Variants in CHDH observed in about 807,000 individuals in gnomAD.
CHDH encodes choline dehydrogenase, mitochondrial.
CHDH carries 43 observed loss-of-function variants against 56.9 expected under a neutral mutation model. That is an observed-to-expected ratio of 0.76 (90% CI 0.59 to 0.97). The LOEUF (loss-of-function observed/expected upper bound fraction) is 0.97, where lower values mean the gene tolerates loss of function less well. Among genes scored for constraint, CHDH ranks in the 50% least tolerant of loss-of-function variants. CHDH has a pLI of 0.00. For missense variants in CHDH, 816 were observed against 821.1 expected, an observed-to-expected ratio of 0.99 and a Z score of 0.08; for synonymous variants, 364 against 348.5, an observed-to-expected ratio of 1.04 and a Z score of -0.50.
In CHDH at chr3:53,823,610, G is replaced by A. The variant is rs1045735886; in HGVS notation, c.399C>T (p.Ser133=). 2 of 1,544,002 alleles carry A rather than the reference G, an allele frequency of 1.3e-6. No individual in the cohort carries two copies. Among genetic ancestry groups the A allele is most frequent in the Admixed American group, 3.9e-5 (2 of 50,974 alleles). ...PRGRVWGGSS[S]LNAMVYVRGH... ...CACGGACGTAGACCATGGCATTGAG[G>A]GATGAGGAGCCACCCCAGACGCGGC... The change falls in exon 3 of 9, where the codon TCC becomes TCT. Residue 133 remains serine (S), a synonymous_variant. Transcript: ENST00000315251.
At chr3:53,818,238 G>C (rs756549237) in intron 8 of CHDH, 43 bp from the exon 9 acceptor site, 4 of 1,514,578 alleles carry the variant, frequency 2.6e-6, no homozygotes, top group African/African-American at 2.8e-5. Flanking sequence ...CCTTTTGCCC[G>C]TGCTGGCCTC....
Position 53,834,410 on chromosome 3 carries a change from C to T in CHDH, c.-60+6519G>A, listed in dbSNP as rs140194537. On this transcript the variant is annotated intron_variant, in intron 2 of 8. Coordinates refer to ENST00000315251, the MANE Select transcript of CHDH (RefSeq NM_018397.5). ...GCAGTGAGCCCAGATTGCACCACTG[C>T]ACTCCAGCCTGCAGGGACACAGTGA... Among the ~76,000 whole-genome samples, 968 of 152,276 alleles carry T rather than the reference C, an allele frequency of 6.4e-3. 7 individuals carry two copies. The highest frequency in any genetic ancestry group is 0.022 in the African/African-American group (898 of 41,552).
chr3:53,843,941 T>G lies in CHDH; in HGVS notation c.-131+2142A>C, dbSNP rs546098741. On this transcript the variant is annotated intron_variant, in intron 1 of 8. Coordinates refer to ENST00000315251, the MANE Select transcript of CHDH (RefSeq NM_018397.5). The stretch of plus-strand genomic sequence containing the variant: ...AGGCAGCCAAATAAATTGTGTGCCT[T>G]CCGGCAGGCCACCTGGGACCTCTCA... 4.6e-5 allele frequency among the ~76,000 whole-genome samples: 7 copies of G among 152,330 alleles called. No homozygotes were observed. In the South Asian group the frequency reaches 1.2e-3, roughly 27 times the overall value.
At chr3:53,818,690 G>C (rs971499242) in intron 8 of CHDH, among the ~76,000 whole-genome samples, 3 of 152,198 alleles carry the variant, frequency 2.0e-5, no homozygotes, top group Admixed American at 6.5e-5. Context: ...GCACATCATG[G>C]CAGATTGTTC....
rs1390828774 is a variant in CHDH, at chr3:53,824,130, G to A, written c.-59-63C>T. The A allele has an allele frequency of 8.1e-6, 8 of 988,190 alleles. No homozygotes were observed. In the South Asian group the frequency reaches 9.7e-5, roughly 12 times the overall value. 61.2% of individuals were successfully genotyped at this position (988,190 alleles called of 1,614,324 possible). On this transcript the variant is annotated intron_variant, in intron 2 of 8. Coordinates refer to ENST00000315251, the MANE Select transcript of CHDH (RefSeq NM_018397.5). Reference sequence around the variant, plus strand: ...GCATATCCAGGGTATGCTCACCAACGGCCTGCCGGGACAGGGTGCAGCAGG... The same window carrying A: ...GCATATCCAGGGTATGCTCACCAACAGCCTGCCGGGACAGGGTGCAGCAGG...
chr3:53,813,470 C>T lies in CHDH; in HGVS notation c.*4307G>A, dbSNP rs546594501. ...GTGCCAATGGTAACCTAATACCAGC[C>T]GCAGGGAGCGCCATTTCTCCTAAAG... is the stretch of plus-strand genomic sequence containing the variant. On this transcript the variant is annotated 3_prime_UTR_variant, in exon 9 of 9. Transcript: ENST00000315251. The T allele has an allele frequency of 1.5e-4, 23 of 152,284 alleles. No individual in the cohort carries two copies. Among genetic ancestry groups the T allele is most frequent in the Admixed American group, 2.0e-4 (3 of 15,300 alleles). 9.4% of individuals were successfully genotyped at this position (152,284 alleles called of 1,614,324 possible). A position where few individuals can be genotyped will look rare whatever the true frequency, so the allele number is the denominator to read the frequency against.
At chr3:53,829,739 G>A (rs1436307925) in intron 2 of CHDH, among the ~76,000 whole-genome samples, 1 of 152,144 alleles carries the variant, frequency 6.6e-6, no homozygotes, top group Non-Finnish European at 1.5e-5. Context: ...TCCAATTCAC[G>A]TGTGGGATTC....
At chr3:53,826,282 C>A (rs555169564) in intron 2 of CHDH, among the ~76,000 whole-genome samples, 1 of 150,970 alleles carries the variant, frequency 6.6e-6, no homozygotes, top group Non-Finnish European at 1.5e-5. Context: ...GCTAACATCA[C>A]CCTAATAACA....
rs1278640148 is a variant in CHDH at position 53,819,584 on chromosome 3, G to A, written c.1211C>T (p.Pro404Leu). 1 of 1,613,168 alleles carries A rather than the reference G, an allele frequency of 6.2e-7. No individual in the cohort carries two copies. The highest frequency in any genetic ancestry group is 1.3e-5 in the African/African-American group (1 of 74,956). Reference sequence around the variant, plus strand: ...CCGCCCGTGGTCAATCACTTGGGATGGCAGGAAATGGAACTGGATGTCCGG... The same window carrying A: ...CCGCCCGTGGTCAATCACTTGGGATAGCAGGAAATGGAACTGGATGTCCGG... ...PHPDIQFHFL[P>L]SQVIDHGRVP... The change falls in exon 7 of 9, where the codon CCA (proline) becomes CTA (leucine). Residue 404 changes from proline (P) to leucine (L), a missense_variant. Physicochemically the swap from Pro to Leu is moderately conservative, Grantham distance 98. Transcript: ENST00000315251. This position sits in a 1 kb window ranked among gnomAD's most constrained non-coding sequence, Gnocchi z 5.4.
In CHDH at chr3:53,816,053, A is replaced by G. The variant is rs1214441926; in HGVS notation, c.*1724T>C. 6.6e-6 allele frequency: 1 copy of G among 152,146 alleles called. No homozygotes were observed. Among genetic ancestry groups the G allele is most frequent in the African/African-American group, 2.4e-5 (1 of 41,428 alleles). 9.4% of individuals were successfully genotyped at this position (152,146 alleles called of 1,614,324 possible). ...TAAACAAGAGCTGCTTAAGATTTTT[A>G]AAAGGAGAGGTGTGATGGGTTTCTT... On this transcript the variant is annotated 3_prime_UTR_variant, in exon 9 of 9. Coordinates refer to ENST00000315251, the MANE Select transcript of CHDH (RefSeq NM_018397.5).
Position 53,820,459 on chromosome 3 carries a change from G to A in CHDH, c.1120+15C>T. The A allele has an allele frequency of 6.2e-7, 1 of 1,603,574 alleles. No homozygotes were observed. The highest frequency in any genetic ancestry group is 8.5e-7 in the Non-Finnish European group (1 of 1,174,838). ...ATAGGCAGTCTCCTCCCAGGTTACTGGTAAGCGTGCTCACCTGTGAATTTC... is the reference window on the plus strand; with the variant it reads ...ATAGGCAGTCTCCTCCCAGGTTACTAGTAAGCGTGCTCACCTGTGAATTTC... On this transcript the variant is annotated intron_variant, in intron 6 of 8. Transcript: ENST00000315251.
At position 53,816,131 on chromosome 3, in the gene CHDH, A is replaced by ACCCCCCCCCCCCCCCCCCCC. The variant is rs202031062; in HGVS notation, c.*1645_*1646insGGGGGGGGGGGGGGGGGGGG. ...CAGAAAACTAACTTGTGGCTGTCGG[A>ACCCCCCCCCCCCCCCCCCCC]CGCCCCCCCCCCCCGCCCCAGTCTG... On this transcript the variant is annotated 3_prime_UTR_variant, in exon 9 of 9. Coordinates refer to ENST00000315251, the MANE Select transcript of CHDH (RefSeq NM_018397.5). 2 of 86,966 alleles carry ACCCCCCCCCCCCCCCCCCCC rather than the reference A, an allele frequency of 2.3e-5. No homozygotes were observed. The highest frequency in any genetic ancestry group is 7.0e-5 in the African/African-American group (1 of 14,280). The allele number at this position is 86,966 out of a possible 1,614,324, so 5.4% of individuals were successfully genotyped here. A position where few individuals can be genotyped will look rare whatever the true frequency, so the allele number is the denominator to read the frequency against.
intron 2 of CHDH, among the ~76,000 whole-genome samples, chr3:53,838,339 G>T (rs1385504526): frequency 6.6e-6 from 1 of 152,180 alleles, no homozygotes; most frequent in Non-Finnish European, 1.5e-5. Context: ...TGATAGACTA[G>T]GGGATGGGGG....
At position 53,817,771 on chromosome 3, in the gene CHDH, A is replaced by G; in HGVS notation, c.*6T>C. On this transcript the variant is annotated 3_prime_UTR_variant, in exon 9 of 9. Transcript: ENST00000315251. ...CTTCCCTGGTCATCCTCCAGCAGCA[A>G]CTGTCTTAGCGCTGGGTGGCCAGCG... 4 of 1,579,552 alleles carry G rather than the reference A, an allele frequency of 2.5e-6. No individual in the cohort carries two copies. The highest frequency in any genetic ancestry group is 3.4e-6 in the Non-Finnish European group (4 of 1,162,160).
At chr3:53,820,389 G>T in intron 6 of CHDH, 85 bp downstream of exon 6, 61 of 1,482,108 alleles carry the variant, frequency 4.1e-5, no homozygotes, top group Non-Finnish European at 5.4e-5. Context: ...AAACCCAGTG[G>T]CCAGAACCCC....
At position 53,819,496 on chromosome 3, in the gene CHDH, A is replaced by G; in HGVS notation, c.1263+36T>C. The G allele has an allele frequency of 1.9e-6, 3 of 1,572,122 alleles. No individual in the cohort carries two copies. The highest frequency in any genetic ancestry group is 2.3e-5 in the East Asian group (1 of 43,986). ...CATCTTCCTTCCTGGTGGGAAGGAG[A>G]CATCCTGGGAAGCCGAGGCTCTTCC... is the stretch of plus-strand genomic sequence containing the variant. On this transcript the variant is annotated intron_variant, in intron 7 of 8. Transcript: ENST00000315251. This position sits in a 1 kb window ranked among gnomAD's most constrained non-coding sequence, Gnocchi z 5.4.
chr3:53,817,994 T>TCGGAG lies in CHDH; in HGVS notation c.1563_1567dup (p.Asp523AlafsTer36). ...CTGCGGATCCACCACGGCAGTGGGATCGGAGGGCTGGCCCATCTTACAGGT... is the reference window on the plus strand; with the variant it reads ...CTGCGGATCCACCACGGCAGTGGGATCGGAGCGGAGGGCTGGCCCATCTTACAGGT... On this transcript the variant is annotated frameshift_variant, in exon 9 of 9. Transcript: ENST00000315251. LOFTEE classifies it high-confidence loss of function. 1.2e-6 allele frequency: 2 copies of TCGGAG among 1,614,164 alleles called. No homozygotes were observed. The highest frequency in any genetic ancestry group is 1.7e-6 in the Non-Finnish European group (2 of 1,180,040).
At chr3:53,833,545 G>A (rs1373759415) in intron 2 of CHDH, among the ~76,000 whole-genome samples, 1 of 152,208 alleles carries the variant, frequency 6.6e-6, no homozygotes, top group Non-Finnish European at 1.5e-5. Context: ...CCTGGCATTG[G>A]CAGGATGGAA....
intron 2 of CHDH, among the ~76,000 whole-genome samples, chr3:53,834,351 C>A (rs569027739): frequency 7.2e-5 from 11 of 152,230 alleles, no homozygotes; most frequent in Admixed American, 7.2e-4. Flanking sequence ...GAGGCTGAGG[C>A]AGAAGAATCT....
Sources: allele counts gnomAD v4.1 joint callset (sites outside exome capture counted in the v4.1 genomes callset), GRCh38; gene constraint gnomAD v4.1.1; non-coding constraint Gnocchi (gnomAD v3.1); transcripts MANE v1.5; gene names NCBI Gene and HGNC (gene_info 2026-07-23, HGNC 2026-07-21).